MCM10: variants seen among roughly 807,000 people sequenced by gnomAD.
MCM10 encodes minichromosome maintenance 10 replication initiation factor, also known as protein MCM10 homolog.
A neutral mutation model predicts 109.9 loss-of-function variants in MCM10; 91 were observed. The observed-to-expected ratio is 0.83, with a 90% confidence interval of 0.70 to 0.99. The LOEUF (loss-of-function observed/expected upper bound fraction) is 0.99. MCM10 is among the 50% of genes least tolerant of loss of function. The pLI is 0.00. For missense variants in MCM10, 1,077 were observed against 1,061.2 expected (o/e 1.01, Z -0.21); for synonymous variants, 380 against 387.2 (o/e 0.98, Z 0.22).
intron 16 of MCM10, 149 bp downstream of exon 16, chr10:13,198,956 C>T (rs537209924): frequency 3.8e-5 from 22 of 584,722 alleles, no homozygotes; most frequent in East Asian, 3.0e-4. Flanking sequence ...AGTGCAGTGG[C>T]GCCATCTCGG....
intron 2 of MCM10, among the ~76,000 whole-genome samples, chr10:13,166,648 A>ACT (rs1564379490): frequency 1.7e-5 from 1 of 60,000 alleles, no homozygotes; most frequent in African/African-American, 5.8e-5. Flanking sequence ...AAAAAAAAAA[A>ACT]AATACATACA....
chr10:13,178,508 C>T (rs555319694), intron 6 of MCM10, among the ~76,000 whole-genome samples: 3 of 152,300 alleles, frequency 2.0e-5, no homozygotes, highest in African/African-American at 7.2e-5. Context: ...TGTCCTTTCC[C>T]CAATGTATGT....
intron 6 of MCM10, among the ~76,000 whole-genome samples, chr10:13,176,857 G>A (rs1257724372): frequency 6.6e-6 from 1 of 152,200 alleles, no homozygotes; most frequent in Non-Finnish European, 1.5e-5. Context: ...TCATACCACT[G>A]CACTCCAGCC....
chr10:13,190,152 G>T (rs181349128), intron 10 of MCM10, among the ~76,000 whole-genome samples: 3 of 152,304 alleles, frequency 2.0e-5, no homozygotes, highest in African/African-American at 7.2e-5. Flanking sequence ...TTGGCACGAG[G>T]CAGCTACAGT....
intron 18 of MCM10, among the ~76,000 whole-genome samples, chr10:13,205,669 C>A (rs1834570549): frequency 6.6e-6 from 1 of 152,174 alleles, no homozygotes; most frequent in Non-Finnish European, 1.5e-5. Context: ...TTCACCACAT[C>A]CACGCCAGCA....
chr10:13,201,656 T>C, intron 17 of MCM10, 122 bp downstream of exon 17: 1 of 744,466 alleles, frequency 1.3e-6, no homozygotes, highest in African/African-American at 1.7e-5. Flanking sequence ...TTAATTAGGC[T>C]GGAAAGCAAA....
At chr10:13,185,100 C>G (rs6602639) in intron 8 of MCM10, among the ~76,000 whole-genome samples, 102,239 of 151,996 alleles carry the variant, frequency 0.67, 35,330 homozygotes, top group Non-Finnish European at 0.77. Flanking sequence ...GGCAGCGAGA[C>G]TCCACAGAAG....
At chr10:13,171,505 T>G (rs1834072992) in intron 3 of MCM10, among the ~76,000 whole-genome samples, 1 of 152,244 alleles carries the variant, frequency 6.6e-6, no homozygotes, top group Non-Finnish European at 1.5e-5. Flanking sequence ...GGAATGGCTC[T>G]GAAACTTTTC....
chr10:13,176,543 T>A (rs764934603), intron 6 of MCM10, among the ~76,000 whole-genome samples: 6 of 152,182 alleles, frequency 3.9e-5, no homozygotes, highest in Non-Finnish European at 8.8e-5. Flanking sequence ...CTAAAACTGC[T>A]AAGCTCTTAA....
intron 17 of MCM10, 128 bp from the exon 18 acceptor site, chr10:13,204,091 C>A (rs1834536206): frequency 9.1e-7 from 1 of 1,094,608 alleles, no homozygotes; most frequent in Non-Finnish European, 1.3e-6. Flanking sequence ...GTGGCCCAGT[C>A]CCCTAGCAAG....
chr10:13,202,815 A>G (rs1271516958), intron 17 of MCM10, among the ~76,000 whole-genome samples: 1 of 152,044 alleles, frequency 6.6e-6, no homozygotes, highest in Non-Finnish European at 1.5e-5. Flanking sequence ...GGCCTAACAC[A>G]ATGCACATTT....
chr10:13,185,673 T>A (rs1834265756), intron 8 of MCM10, among the ~76,000 whole-genome samples: 1 of 152,206 alleles, frequency 6.6e-6, no homozygotes, highest in African/African-American at 2.4e-5. Flanking sequence ...AAGGAAAGGA[T>A]GGAAAATGGG....
chr10:13,195,220 A>G lies in MCM10; in HGVS notation c.1925A>G (p.Glu642Gly), dbSNP rs1245714295. The G allele has an allele frequency of 6.2e-7, 1 of 1,611,866 alleles. No individual in the cohort carries two copies. Among genetic ancestry groups the G allele is most frequent in the Non-Finnish European group, 8.5e-7 (1 of 1,179,070 alleles). ...LEGDDVLFYDESPPPRPKLSA... is the reference protein window; with the variant it reads ...LEGDDVLFYDGSPPPRPKLSA... ...GGAGATGATGTTCTCTTTTATGATG[A>G]GTCACCACCACCAAGACCAAAACTG... The change falls in exon 14 of 20, where the codon GAG (glutamate) becomes GGG (glycine). Residue 642 changes from glutamate (E) to glycine (G), a missense_variant. Physicochemically the swap from Glu to Gly is moderately conservative, Grantham distance 98 (BLOSUM62 -2). Coordinates refer to ENST00000378714, the MANE Select transcript of MCM10 (RefSeq NM_018518.5).
chr10:13,201,361 T>G (rs1249954690), intron 16 of MCM10, 60 bp from the exon 17 acceptor site: 1 of 967,142 alleles, frequency 1.0e-6, no homozygotes, highest in East Asian at 2.5e-5. Context: ...ACTCTTACTG[T>G]GCTGCCTGAG....
intron 11 of MCM10, among the ~76,000 whole-genome samples, chr10:13,191,685 A>G (rs1251629721): frequency 6.6e-6 from 1 of 152,162 alleles, no homozygotes; most frequent in Non-Finnish European, 1.5e-5. Flanking sequence ...GTCTAACCTA[A>G]AGGAATCAAG....
At chr10:13,202,420 G>A (rs748835363) in intron 17 of MCM10, among the ~76,000 whole-genome samples, 24 of 152,166 alleles carry the variant, frequency 1.6e-4, no homozygotes, top group Non-Finnish European at 2.9e-4. Context: ...ATTACCATTT[G>A]TTCCCACTAT....
chr10:13,192,452 G>T lies in MCM10; in HGVS notation c.1629G>T (p.Gly543=), dbSNP rs749798874. 1.2e-6 allele frequency: 2 copies of T among 1,614,186 alleles called. No individual in the cohort carries two copies. Among genetic ancestry groups the T allele is most frequent in the Non-Finnish European group, 1.7e-6 (2 of 1,180,028 alleles). ...KQHLAKATAS[G]IMGSPKPAIK... ...CCTCAGTCTGGGCTTCTGTTTCAGG[G>T]ATTATGGGGAGCCCAAAACCAGCCA... The change falls in exon 13 of 20, where the codon GGG becomes GGT. Residue 543 remains glycine (G), a splice_region_variant and synonymous_variant. Coordinates refer to ENST00000378714, the MANE Select transcript of MCM10 (RefSeq NM_018518.5).
chr10:13,186,160 A>G lies in MCM10; in HGVS notation c.1099-4A>G. ...TTTAACTCCTGCCCCACCTTTTCTT[A>G]CAGGTGTGTTTATCTATCGATCATC... On this transcript the variant is annotated splice_region_variant and splice_polypyrimidine_tract_variant and intron_variant, in intron 8 of 19. Coordinates refer to ENST00000378714, the MANE Select transcript of MCM10 (RefSeq NM_018518.5). 1.3e-6 allele frequency: 2 copies of G among 1,560,976 alleles called. No individual in the cohort carries two copies. The highest frequency in any genetic ancestry group is 2.2e-5 in the East Asian group (1 of 44,540).
intron 14 of MCM10, among the ~76,000 whole-genome samples, chr10:13,197,286 G>C (rs1161060979): frequency 6.6e-6 from 1 of 152,188 alleles, no homozygotes; most frequent in Non-Finnish European, 1.5e-5. Flanking sequence ...CCGTGGCAGA[G>C]CTGGCTGGAA....
Sources: allele counts gnomAD v4.1 joint callset (sites outside exome capture counted in the v4.1 genomes callset), GRCh38; gene constraint gnomAD v4.1.1; transcripts MANE v1.5; gene names NCBI Gene and HGNC (gene_info 2026-07-23, HGNC 2026-07-21).